Variants in MAEA observed in about 807,000 individuals in gnomAD.
MAEA encodes the protein E3 ubiquitin-protein transferase MAEA.
MAEA carries 22 observed loss-of-function variants against 46.2 expected under a neutral mutation model. That is an observed-to-expected ratio of 0.48 (90% CI 0.34 to 0.68). The LOEUF is 0.68. Among genes scored for constraint, MAEA ranks in the 30% least tolerant of loss-of-function variants. The pLI, the probability that MAEA is intolerant of heterozygous loss-of-function variation, is 0.01. For synonymous variants in MAEA, 246 were observed against 222.6 expected (o/e 1.11, Z -0.94); for missense variants, 393 against 558.1 (o/e 0.70, Z 2.98).
chr4:1,300,519 G>T (rs1261397612), intron 1 of MAEA, among the ~76,000 whole-genome samples: 1 of 152,256 alleles, frequency 6.6e-6, no homozygotes. Context: ...AGTCTCTGTT[G>T]TTTGGTCAGG....
At chr4:1,317,587 G>A (rs1737456976) in intron 3 of MAEA, among the ~76,000 whole-genome samples, 1 of 152,092 alleles carries the variant, frequency 6.6e-6, no homozygotes, top group Non-Finnish European at 1.5e-5. Flanking sequence ...CAGGAGGGGA[G>A]TGGCGAGCAG....
intron 3 of MAEA, 149 bp downstream of exon 3, chr4:1,315,749 C>T: frequency 1.8e-6 from 1 of 563,594 alleles, no homozygotes; most frequent in Non-Finnish European, 3.1e-6. Flanking sequence ...CCCCTCCCCC[C>T]ACCCCCGTGT....
At chr4:1,335,717 G>T (rs1440630073) in intron 6 of MAEA, 1 of 984,856 alleles carries the variant, frequency 1.0e-6, no homozygotes, top group African/African-American at 1.7e-5. Flanking sequence ...AGTCAGCACT[G>T]GCCCCACAGT....
rs914974275 is a variant in MAEA at position 1,329,888 on chromosome 4, G to C, written c.656+2185G>C. The C allele has an allele frequency of 1.8e-5, 18 of 985,434 alleles. No individual in the cohort carries two copies. The African/African-American group carries it at 2.6e-4, about 14-fold the overall frequency. 61.0% of individuals were successfully genotyped at this position (985,434 alleles called of 1,614,324 possible). ...TCACCTGCTGCCAGGGTCCCAGCCCGCAGGAGCTTCCCGTCCACCTCTGAA... is the reference window on the plus strand; with the variant it reads ...TCACCTGCTGCCAGGGTCCCAGCCCCCAGGAGCTTCCCGTCCACCTCTGAA... On this transcript the variant is annotated intron_variant, in intron 5 of 8. Coordinates refer to ENST00000303400, the MANE Select transcript of MAEA (RefSeq NM_001017405.3).
chr4:1,310,023 C>T lies in MAEA; in HGVS notation c.70-1956C>T, dbSNP rs913518970. 11 of 1,181,850 alleles carry T rather than the reference C, an allele frequency of 9.3e-6. No individual in the cohort carries two copies. The African/African-American group carries it at 1.1e-4, about 12-fold the overall frequency. 73.2% of individuals were successfully genotyped at this position (1,181,850 alleles called of 1,614,324 possible). ...TGTGCGGATGCTGTGTGGGTTCCTCCGCGCGAGCGAGGGTGGTTGTGCCGC... is the reference window on the plus strand; with the variant it reads ...TGTGCGGATGCTGTGTGGGTTCCTCTGCGCGAGCGAGGGTGGTTGTGCCGC... On this transcript the variant is annotated intron_variant, in intron 1 of 8. Transcript: ENST00000303400.
At chr4:1,318,254 A>G (rs1442689965) in intron 3 of MAEA, among the ~76,000 whole-genome samples, 1 of 152,156 alleles carries the variant, frequency 6.6e-6, no homozygotes, top group East Asian at 1.9e-4. Flanking sequence ...GGGTGTGACC[A>G]AGCAACCTGG....
intron 1 of MAEA, among the ~76,000 whole-genome samples, chr4:1,301,878 C>G (rs1351535631): frequency 6.6e-6 from 1 of 152,196 alleles, no homozygotes; most frequent in African/African-American, 2.4e-5. Flanking sequence ...AAAAACCTCA[C>G]AAAGAAAAGC....
Position 1,311,153 on chromosome 4 carries a change from C to T in MAEA, c.70-826C>T, listed in dbSNP as rs566002573. Among the ~76,000 whole-genome samples, 51 of 152,338 alleles carry T rather than the reference C, an allele frequency of 3.3e-4. No individual in the cohort carries two copies. Among genetic ancestry groups the T allele is most frequent in the African/African-American group, 1.1e-3 (45 of 41,584 alleles). Reference sequence around the variant, plus strand: ...CGACGGCAGAGTTGGGCCCACTGCTCTTGGGCGGCAGCACGGCCGTGTTGC... The same window carrying T: ...CGACGGCAGAGTTGGGCCCACTGCTTTTGGGCGGCAGCACGGCCGTGTTGC... On this transcript the variant is annotated intron_variant, in intron 1 of 8. Coordinates refer to ENST00000303400, the MANE Select transcript of MAEA (RefSeq NM_001017405.3). The surrounding 1 kb of genome is among the most constrained non-coding windows in gnomAD (Gnocchi z 4.4).
chr4:1,314,057 G>A (rs568988434), intron 2 of MAEA, among the ~76,000 whole-genome samples: 2 of 152,306 alleles, frequency 1.3e-5, no homozygotes, highest in East Asian at 3.9e-4. Flanking sequence ...GGCAGGCACA[G>A]TGGCTCACGC....
chr4:1,307,666 G>GT (rs1365884367), intron 1 of MAEA, among the ~76,000 whole-genome samples: 2 of 152,168 alleles, frequency 1.3e-5, no homozygotes, highest in Non-Finnish European at 2.9e-5. Flanking sequence ...TGGGAAGCTG[G>GT]TGCGTGGCTC....
intron 2 of MAEA, among the ~76,000 whole-genome samples, chr4:1,312,935 G>T (rs535251401): frequency 1.3e-5 from 2 of 152,352 alleles, no homozygotes; most frequent in South Asian, 4.1e-4. Flanking sequence ...GAGGGCAGGG[G>T]TCAGAGGTGA....
chr4:1,336,819 C>A (rs1409680404), intron 6 of MAEA, 42 bp from the exon 7 acceptor site: 4 of 1,593,156 alleles, frequency 2.5e-6, no homozygotes, highest in Non-Finnish European at 3.4e-6. Context: ...CCAGGAGCTT[C>A]CCTGGGAGCA....
chr4:1,338,213 G>A lies in MAEA; in HGVS notation c.900-209G>A, dbSNP rs545113826. 10 of 510,546 alleles carry A rather than the reference G, an allele frequency of 2.0e-5. No individual in the cohort carries two copies. The South Asian group carries it at 2.2e-4, about 11-fold the overall frequency. The allele number at this position is 510,546 out of a possible 1,614,324, so 31.6% of individuals were successfully genotyped here. ...GTGCTGGAGGCCGGGGTGAGAAGGCGCAGGCTTCTTGTCTCCACCGAGGCC... is the reference window on the plus strand; with the variant it reads ...GTGCTGGAGGCCGGGGTGAGAAGGCACAGGCTTCTTGTCTCCACCGAGGCC... On this transcript the variant is annotated intron_variant, in intron 7 of 8. Coordinates refer to ENST00000303400, the MANE Select transcript of MAEA (RefSeq NM_001017405.3).
chr4:1,339,065 AT>A lies in MAEA; in HGVS notation c.1096-4del. The stretch of plus-strand genomic sequence containing the variant: ...CTTGCCTTAATGCATTCCCGGTTTT[AT>A]TTTTCAGTCTCTGCTTTCTATCCGT... On this transcript the variant is annotated splice_polypyrimidine_tract_variant and splice_region_variant and intron_variant, in intron 8 of 8. Transcript: ENST00000303400. The A allele has an allele frequency of 6.2e-7, 1 of 1,611,152 alleles. No homozygotes were observed. The highest frequency in any genetic ancestry group is 8.5e-7 in the Non-Finnish European group (1 of 1,177,600).
chr4:1,338,608 C>T lies in MAEA; in HGVS notation c.1086C>T (p.Tyr362=), dbSNP rs557215029. The change falls in exon 8 of 9, where the codon TAC becomes TAT. Residue 362 remains tyrosine, a synonymous_variant. Transcript: ENST00000303400. Reference sequence around the variant, plus strand: ...TGATGCTGCCCAACGGCTACGTCTACGGCTACAATGTGAGGGGGGCAGGGC... The same window carrying T: ...TGATGCTGCCCAACGGCTACGTCTATGGCTACAATGTGAGGGGGGCAGGGC... The part of the protein sequence containing the change: ...PPMMLPNGYV[Y]GYNSLLSIRQ... 164 of 1,607,350 alleles carry T rather than the reference C, an allele frequency of 1.0e-4. No individual in the cohort carries two copies. The highest frequency in any genetic ancestry group is 8.6e-4 in the Admixed American group (51 of 59,174).
rs114009284 is a variant in MAEA, at chr4:1,329,009, C to T, written c.656+1306C>T. 4,355 of 986,342 alleles carry T rather than the reference C, an allele frequency of 4.4e-3. 138 individuals are homozygous for T. The African/African-American group carries it at 0.067, about 15-fold the overall frequency. 61.1% of individuals were successfully genotyped at this position (986,342 alleles called of 1,614,324 possible). A position where few individuals can be genotyped will look rare whatever the true frequency, so the allele number is the denominator to read the frequency against. ...CTCTGCTCTGGCCTCCGTGTGGCCT[C>T]GGTGCCTGTGTCGCTGGCCTCTGTC... On this transcript the variant is annotated intron_variant, in intron 5 of 8. Transcript: ENST00000303400.
At chr4:1,327,753 TGC>T in intron 5 of MAEA, 50 bp downstream of exon 5, 2 of 1,526,956 alleles carry the variant, frequency 1.3e-6, no homozygotes, top group South Asian at 2.2e-5. Flanking sequence ...GATGTTCGGC[TGC>T]GGCCCCTGCC....
Position 1,289,911 on chromosome 4 carries a change from A to G in MAEA, c.-3A>G, listed in dbSNP as rs767204324. On this transcript the variant is annotated 5_prime_UTR_variant, in exon 1 of 9. Transcript: ENST00000303400. ...CGCCCGCTAATGTTTTGGCCGCTTC[A>G]AGATGGCGGTGCAGGAGTCGGCGGC... 1 of 1,597,394 alleles carries G rather than the reference A, an allele frequency of 6.3e-7. No individual in the cohort carries two copies. The highest frequency in any genetic ancestry group is 8.5e-7 in the Non-Finnish European group (1 of 1,171,320).
At chr4:1,332,895 A>G in intron 6 of MAEA, 30 bp downstream of exon 6, 1 of 1,547,188 alleles carries the variant, frequency 6.5e-7, no homozygotes, top group Non-Finnish European at 8.9e-7. Flanking sequence ...GGTCGGTGTC[A>G]TGCTGGGGTG....
Sources: allele counts gnomAD v4.1 joint callset (sites outside exome capture counted in the v4.1 genomes callset), GRCh38; gene constraint gnomAD v4.1.1; non-coding constraint Gnocchi (gnomAD v3.1); transcripts MANE v1.5; gene names NCBI Gene and HGNC (gene_info 2026-07-23, HGNC 2026-07-21).